Variants in CA10 observed in about 807,000 individuals in gnomAD.
CA10 encodes the protein carbonic anhydrase 10 (inactive), also known as carbonic anhydrase-related protein 10.
A neutral mutation model predicts 44.2 loss-of-function variants in CA10; 14 were observed. That is an observed-to-expected ratio of 0.32 (90% CI 0.21 to 0.50). The LOEUF is 0.50. Among genes scored for constraint, CA10 ranks in the 20% least tolerant of loss-of-function variants. CA10 has a pLI of 0.99. For synonymous variants in CA10, 159 were observed against 141.6 expected (o/e 1.12, Z -0.87); for missense variants, 350 against 409.7 (o/e 0.85, Z 1.26).
Position 52,072,326 on chromosome 17 carries a change from A to T in CA10, c.129T>A (p.Phe43Leu). 1 of 1,609,276 alleles carries T rather than the reference A, an allele frequency of 6.2e-7. No homozygotes were observed. The highest frequency in any genetic ancestry group is 8.5e-7 in the Non-Finnish European group (1 of 1,175,704). Residue 43 changes from phenylalanine to leucine, a missense_variant, in exon 2 of 9, where the codon TTT becomes TTA. Phe to Leu is a conservative substitution (Grantham distance 22). Coordinates refer to ENST00000451037, the MANE Select transcript of CA10 (RefSeq NM_020178.5). The stretch of plus-strand genomic sequence containing the variant: ...GAATTAATGTGTACTTACCTGGAAC[A>T]AAGCTTCCCTGGACCACCTCCTTGT... ...WAYKEVVQGS[F>L]VPVPSFWGLV...
At chr17:51,632,249 A>C (rs1195176344) in intron 8 of CA10, among the ~76,000 whole-genome samples, 1 of 152,182 alleles carries the variant, frequency 6.6e-6, no homozygotes, top group Non-Finnish European at 1.5e-5. Context: ...CTCTGTTTGG[A>C]TAGGTGTCTT....
chr17:51,692,669 C>T (rs371904887), intron 4 of CA10, among the ~76,000 whole-genome samples: 1 of 151,574 alleles, frequency 6.6e-6, no homozygotes, highest in Non-Finnish European at 1.5e-5. Flanking sequence ...GTAGATGCAC[C>T]ATGGTTAATC....
At chr17:51,648,637 T>A (rs1913434024) in intron 6 of CA10, among the ~76,000 whole-genome samples, 1 of 152,170 alleles carries the variant, frequency 6.6e-6, no homozygotes, top group Non-Finnish European at 1.5e-5. Flanking sequence ...CTTTTCTGCA[T>A]AATGAGTCTG....
rs568099661 is a variant in CA10, at chr17:51,888,866, T to G, written c.279+42124A>C. 5.9e-5 allele frequency among the ~76,000 whole-genome samples: 9 copies of G among 152,318 alleles called. No individual in the cohort carries two copies. The East Asian group carries it at 9.7e-4, about 16-fold the overall frequency. ...TTTATTATTATAACTCATGGTTCCA[T>G]GGATTGACTGGGATCAGCTGGGTGA... On this transcript the variant is annotated intron_variant, in intron 3 of 8. Transcript: ENST00000451037.
At chr17:51,836,940 C>T (rs1315960217) in intron 3 of CA10, among the ~76,000 whole-genome samples, 1 of 151,948 alleles carries the variant, frequency 6.6e-6, no homozygotes, top group East Asian at 1.9e-4. Flanking sequence ...GAAGGTTTTA[C>T]TTGGCAGGGC....
chr17:51,849,233 G>GTATATATATATA lies in CA10; in HGVS notation c.279+81745_279+81756dup, dbSNP rs1217693250. 4.4e-3 allele frequency among the ~76,000 whole-genome samples: 173 copies of GTATATATATATA among 39,716 alleles called. 1 individual carries two copies. Among genetic ancestry groups the GTATATATATATA allele is most frequent in the Admixed American group, 0.011 (34 of 3,076 alleles). The allele number at this position is 39,716 out of a possible 152,430, so 26.1% of individuals were successfully genotyped here. A position where few individuals can be genotyped will look rare whatever the true frequency, so the allele number is the denominator to read the frequency against. On this transcript the variant is annotated intron_variant, in intron 3 of 8. Transcript: ENST00000451037. ...TATATATATATACATATATGTGTGT[G>GTATATATATATA]TATATATATATATATATATATATAT...
intron 3 of CA10, among the ~76,000 whole-genome samples, chr17:51,881,275 A>G (rs1232745159): frequency 1.3e-5 from 2 of 148,904 alleles, no homozygotes; most frequent in African/African-American, 4.9e-5. Flanking sequence ...TTATCCTTTT[A>G]TCATACAATG....
At chr17:51,836,308 C>T (rs1419327122) in intron 3 of CA10, among the ~76,000 whole-genome samples, 1 of 152,226 alleles carries the variant, frequency 6.6e-6, no homozygotes, top group Non-Finnish European at 1.5e-5. Context: ...ACTGTCATTA[C>T]TCCTCTTGTG....
chr17:51,781,120 T>G (rs1906040635), intron 3 of CA10, among the ~76,000 whole-genome samples: 1 of 152,116 alleles, frequency 6.6e-6, no homozygotes, highest in Admixed American at 6.5e-5. Flanking sequence ...ATGAATCTGA[T>G]CAGCTTAGTA....
intron 3 of CA10, among the ~76,000 whole-genome samples, chr17:51,885,421 G>A (rs1418373790): frequency 6.6e-6 from 1 of 151,964 alleles, no homozygotes; most frequent in East Asian, 1.9e-4. Flanking sequence ...GTGAACTCCT[G>A]GATCTTACTC....
At chr17:52,131,533 C>T (rs975833851) in intron 1 of CA10, among the ~76,000 whole-genome samples, 1 of 152,144 alleles carries the variant, frequency 6.6e-6, no homozygotes, top group Non-Finnish European at 1.5e-5. Context: ...CATTATAGCT[C>T]ATTGCAAGTG....
chr17:52,063,871 G>C (rs1987460637), intron 2 of CA10, among the ~76,000 whole-genome samples: 1 of 152,210 alleles, frequency 6.6e-6, no homozygotes, highest in Non-Finnish European at 1.5e-5. Context: ...CTACCTCATA[G>C]TGTACACACC....
At chr17:52,116,956 G>C (rs1988911007) in intron 1 of CA10, among the ~76,000 whole-genome samples, 1 of 152,136 alleles carries the variant, frequency 6.6e-6, no homozygotes, top group South Asian at 2.1e-4. Context: ...CCACTGGTGA[G>C]GTTACTTTTG....
At chr17:51,880,189 C>A (rs1197552727) in intron 3 of CA10, among the ~76,000 whole-genome samples, 1 of 152,346 alleles carries the variant, frequency 6.6e-6, no homozygotes, top group East Asian at 1.9e-4. Context: ...CGTAATAAGG[C>A]TCTTCCCCAT....
chr17:51,837,079 A>AACACACAC (rs5820881), intron 3 of CA10, among the ~76,000 whole-genome samples: 4,270 of 149,936 alleles, frequency 0.028, 135 homozygotes, highest in Admixed American at 0.1. Flanking sequence ...GAGTTCAGAC[A>AACACACAC]ACACACACAC....
intron 2 of CA10, among the ~76,000 whole-genome samples, chr17:52,047,646 A>G (rs939240343): frequency 2.0e-5 from 3 of 151,980 alleles, no homozygotes; most frequent in Non-Finnish European, 4.4e-5. Context: ...GACAATAACT[A>G]TCATCCAGAG....
intron 4 of CA10, among the ~76,000 whole-genome samples, chr17:51,732,496 G>A (rs998897718): frequency 6.6e-6 from 1 of 152,196 alleles, no homozygotes; most frequent in African/African-American, 2.4e-5. Flanking sequence ...CAGCACTTGA[G>A]CTTGTGAATT....
intron 2 of CA10, among the ~76,000 whole-genome samples, chr17:52,035,705 C>T (rs756601620): frequency 6.6e-6 from 1 of 152,216 alleles, no homozygotes; most frequent in Non-Finnish European, 1.5e-5. Context: ...TTCACTCCTG[C>T]TGGTGCCGAT....
At chr17:52,067,075 T>C (rs1987556968) in intron 2 of CA10, among the ~76,000 whole-genome samples, 1 of 152,204 alleles carries the variant, frequency 6.6e-6, no homozygotes, top group Non-Finnish European at 1.5e-5. Flanking sequence ...GCTGCAGAGA[T>C]TTGCATAAGG....
Sources: allele counts gnomAD v4.1 joint callset (sites outside exome capture counted in the v4.1 genomes callset), GRCh38; gene constraint gnomAD v4.1.1; transcripts MANE v1.5; gene names NCBI Gene and HGNC (gene_info 2026-07-23, HGNC 2026-07-21).